The following MEG3 variants were observed in gnomAD, a reference collection of about 807,000 sequenced individuals.
MEG3 encodes maternally expressed 3.
upstream of MEG3, chr14:100,853,644 A>G (rs1386569247): frequency 6.6e-6 from 1 of 150,708 alleles, no homozygotes; most frequent in African/African-American, 2.4e-5. Context: ...CCCTTGTTCC[A>G]TGAATCTTCA....
At chr14:100,828,181 C>A (rs2037299678) in intron 1 of MEG3, among the ~76,000 whole-genome samples, 1 of 152,002 alleles carries the variant, frequency 6.6e-6, no homozygotes, top group Admixed American at 6.5e-5. Context: ...GGGCGCGGGC[C>A]GGGGCGCCGC....
At chr14:100,843,997 G>A (rs370307409) in intron 2 of MEG3, among the ~76,000 whole-genome samples, 14 of 151,800 alleles carry the variant, frequency 9.2e-5, no homozygotes, top group East Asian at 1.9e-4. Context: ...ATACCACCAC[G>A]CTGAGCTAGT....
intron 2 of MEG3, among the ~76,000 whole-genome samples, chr14:100,840,622 T>TCCCATTGGGA (rs1267937522): frequency 2.0e-5 from 3 of 152,196 alleles, no homozygotes. Context: ...GCTCCAAGGC[T>TCCCATTGGGA]GCACAATGAC....
intron 2 of MEG3, among the ~76,000 whole-genome samples, chr14:100,840,893 G>A (rs569136157): frequency 2.5e-4 from 38 of 152,322 alleles, no homozygotes; most frequent in South Asian, 2.1e-3. Context: ...GCCGGCCTCC[G>A]CGCTCACAGC....
At chr14:100,850,452 T>G (rs865809938) in intron 3 of MEG3, 1 of 151,704 alleles carries the variant, frequency 6.6e-6, no homozygotes, top group Non-Finnish European at 1.5e-5. Context: ...AATACAAAAA[T>G]TATGGGCGTG....
At chr14:100,832,682 A>T (rs1314137612), downstream of MEG3, 2 of 152,572 alleles carry the variant, frequency 1.3e-5, no homozygotes, top group Non-Finnish European at 2.9e-5. Context: ...GTGGCTTCTT[A>T]AGCCACACTT....
chr14:100,860,835 A>G, exon 2 of MEG3: 1 of 369,854 alleles, frequency 2.7e-6, no homozygotes, highest in Non-Finnish European at 5.3e-6. Context: ...CGTGGGCTGG[A>G]CCCCTGCCCA....
intron 3 of MEG3, chr14:100,848,177 A>T (rs1268855095): frequency 6.6e-6 from 1 of 152,230 alleles, no homozygotes; most frequent in Non-Finnish European, 1.5e-5. Flanking sequence ...ACATGCATGC[A>T]GATTTAAGAC....
intron 2 of MEG3, among the ~76,000 whole-genome samples, chr14:100,844,722 C>T (rs369710784): frequency 2.6e-5 from 4 of 152,326 alleles, no homozygotes; most frequent in African/African-American, 9.6e-5. Flanking sequence ...ACGTGTCTGA[C>T]ATTGCTGAAG....
upstream of MEG3, chr14:100,855,399 G>A (rs2038208772): frequency 6.6e-6 from 1 of 152,472 alleles, no homozygotes; most frequent in Non-Finnish European, 1.5e-5. Flanking sequence ...CGTCCCAGCT[G>A]GATCTCGTCT....
downstream of MEG3, chr14:100,833,369 C>G (rs1204310808): frequency 6.6e-6 from 1 of 152,238 alleles, no homozygotes; most frequent in African/African-American, 2.4e-5. Flanking sequence ...AAGCAATTCT[C>G]CCACCTCAGC....
rs2037619597 is a variant in MEG3 at position 100,837,463 on chromosome 14, C to T, written n.3045+1163C>T. On this transcript the variant is annotated intron_variant and non_coding_transcript_variant, in intron 2 of 3. Coordinates refer to the MEG3 transcript ENST00000398461. This position sits in a 1 kb window ranked among gnomAD's most constrained non-coding sequence, Gnocchi z 5.8. ...GGTCTGAACCGTGGGGTGAGGCTGG[C>T]TCCATTCCCCCAGACATTTATGGAG... Among the ~76,000 whole-genome samples the T allele has an allele frequency of 6.6e-6, 1 of 152,152 alleles. No homozygotes were observed. Among genetic ancestry groups the T allele is most frequent in the Non-Finnish European group, 1.5e-5 (1 of 68,024 alleles).
downstream of MEG3, chr14:100,829,279 A>C (rs1395188190): frequency 6.6e-6 from 1 of 152,254 alleles, no homozygotes; most frequent in Non-Finnish European, 1.5e-5. Context: ...TTCACCTGCT[A>C]GCAAACTGGA....
intron 1 of MEG3, among the ~76,000 whole-genome samples, chr14:100,827,202 C>T (rs1280782898): frequency 6.6e-6 from 1 of 152,108 alleles, no homozygotes; most frequent in Admixed American, 6.5e-5. Context: ...GAGTCAAGCC[C>T]CCCCAGGCCG....
rs967663463 is a variant in MEG3, at chr14:100,845,207, G to A, written n.3046-251G>A. On this transcript the variant is annotated intron_variant and non_coding_transcript_variant, in intron 2 of 3. Coordinates refer to the MEG3 transcript ENST00000398461. This position sits in a 1 kb window ranked among gnomAD's most constrained non-coding sequence, Gnocchi z 5.2. ...GTCCCACAGAGCACGACTTCGCTCC[G>A]TGAACAGCACCAACCCAAGTCTGTT... 3.3e-5 allele frequency among the ~76,000 whole-genome samples: 5 copies of A among 152,196 alleles called. No individual in the cohort carries two copies. Among genetic ancestry groups the A allele is most frequent in the African/African-American group, 4.8e-5 (2 of 41,448 alleles).
rs551700384 is a variant in MEG3 at position 100,826,660 on chromosome 14, C to T, written n.372-2048C>T. 5.3e-5 allele frequency among the ~76,000 whole-genome samples: 8 copies of T among 152,250 alleles called. No individual in the cohort carries two copies. The East Asian group carries it at 1.4e-3, about 26-fold the overall frequency. ...CCCATGAATTAGGGGGGGAAGCACC[C>T]GAATAGAAGGGTCTCCCGGGCATAT... On this transcript the variant is annotated intron_variant and non_coding_transcript_variant, in intron 1 of 2. Transcript: ENST00000556407.
chr14:100,831,893 A>T (rs1051030289), downstream of MEG3: 1 of 152,208 alleles, frequency 6.6e-6, no homozygotes, highest in African/African-American at 2.4e-5. Flanking sequence ...TTTATCTGGC[A>T]GGTCAGGTGG....
chr14:100,852,447 G>C (rs576028387), upstream of MEG3: 1 of 533,748 alleles, frequency 1.9e-6, no homozygotes, highest in East Asian at 5.5e-5. Context: ...GCTGGGCCTC[G>C]TGGGCCTGAT....
At chr14:100,843,798 G>T (rs954114190) in intron 2 of MEG3, among the ~76,000 whole-genome samples, 3 of 151,752 alleles carry the variant, frequency 2.0e-5, no homozygotes, top group African/African-American at 7.3e-5. Flanking sequence ...CCTGCAGTGG[G>T]GCAGGCAGCT....
Sources: gnomAD v4.1 joint callset for allele counts (sites outside exome capture counted in the v4.1 genomes callset) on GRCh38, gnomAD v4.1.1 for gene constraint, Gnocchi (gnomAD v3.1) non-coding constraint, MANE v1.5 for transcripts, NCBI Gene and HGNC (gene_info 2026-07-23, HGNC 2026-07-21) for gene names.